The following ARID1B variants were observed in gnomAD, a reference collection of about 807,000 sequenced individuals.
ARID1B encodes the protein AT-rich interaction domain 1B.
In ARID1B, 30 loss-of-function variants were observed where a neutral mutation model predicts 212.3. That is an observed-to-expected ratio of 0.14 (90% CI 0.11 to 0.19). The LOEUF is 0.19. ARID1B is among the 10% of genes least tolerant of loss of function. The pLI, the probability that ARID1B is intolerant of heterozygous loss-of-function variation, is 1.00. For missense variants in ARID1B, 2,891 were observed against 3,204.0 expected, an observed-to-expected ratio of 0.90 and a Z score of 2.36; for synonymous variants, 1,402 against 1,301.7, an observed-to-expected ratio of 1.08 and a Z score of -1.66.
chr6:157,065,193 A>G (rs1305272432), intron 4 of ARID1B, among the ~76,000 whole-genome samples: 1 of 152,234 alleles, frequency 6.6e-6, no homozygotes, highest in African/African-American at 2.4e-5. Context: ...AAGTTAAAAG[A>G]AGTTCAAAGT....
intron 4 of ARID1B, among the ~76,000 whole-genome samples, chr6:157,037,932 C>T (rs1781437696): frequency 6.6e-6 from 1 of 151,872 alleles, no homozygotes; most frequent in Admixed American, 6.6e-5. Context: ...ATGGTGTCAC[C>T]CTGAGATAGA....
chr6:157,073,057 T>TA (rs1387894824), intron 4 of ARID1B, among the ~76,000 whole-genome samples: 1 of 152,016 alleles, frequency 6.6e-6, no homozygotes, highest in Non-Finnish European at 1.5e-5. Context: ...AAATATTTGA[T>TA]AAAGAATGGG....
At chr6:157,052,565 A>G (rs1782679765) in intron 4 of ARID1B, among the ~76,000 whole-genome samples, 1 of 152,260 alleles carries the variant, frequency 6.6e-6, no homozygotes, top group South Asian at 2.1e-4. Context: ...TTAAACAGGC[A>G]TAATCTGAAT....
chr6:157,084,698 A>G lies in ARID1B; in HGVS notation c.2284A>G (p.Thr762Ala), dbSNP rs991392838. 2 of 1,614,040 alleles carry G rather than the reference A, an allele frequency of 1.2e-6. No individual in the cohort carries two copies. Among genetic ancestry groups the G allele is most frequent in the Admixed American group, 1.7e-5 (1 of 60,000 alleles). ...SGSIDDLPTG[T>A]EATLSSAVSA... ...CTCCATTGATGACCTCCCCACGGGA[A>G]CGGAAGCAACTTTGAGCTCAGCAGT... The change falls in exon 5 of 20, where the codon ACG becomes GCG. Residue 762 changes from threonine (T) to alanine (A), a missense_variant. By Grantham distance (58) the Thr-to-Ala change is moderately conservative. This residue lies in a region of ARID1B where 1,643 missense variants were observed against 1,544.0 expected (regional missense o/e 1.06). Coordinates refer to ENST00000636930, the MANE Select transcript of ARID1B (RefSeq NM_001374828.1).
chr6:156,994,204 T>C (rs577051825), intron 4 of ARID1B, among the ~76,000 whole-genome samples: 2 of 152,352 alleles, frequency 1.3e-5, no homozygotes, highest in South Asian at 4.1e-4. Context: ...AGGGTTAGAA[T>C]GGGTCACCTA....
intron 4 of ARID1B, among the ~76,000 whole-genome samples, chr6:156,949,315 A>G (rs1434398835): frequency 6.6e-6 from 1 of 152,182 alleles, no homozygotes; most frequent in African/African-American, 2.4e-5. Flanking sequence ...TTGTTTGACA[A>G]AGAACATTTC....
chr6:157,143,893 A>G (rs780458336), intron 7 of ARID1B, among the ~76,000 whole-genome samples: 3 of 152,236 alleles, frequency 2.0e-5, no homozygotes, highest in Non-Finnish European at 4.4e-5. Context: ...GTGCCAATTC[A>G]TGGAATCAAC....
Position 157,209,751 on chromosome 6 carries a change from C to T in ARID1B, c.*1860C>T. The T allele has an allele frequency of 4.3e-6, 1 of 233,226 alleles. No individual in the cohort carries two copies. The highest frequency in any genetic ancestry group is 8.5e-6 in the Non-Finnish European group (1 of 118,036). The allele number at this position is 233,226 out of a possible 1,614,324, so 14.4% of individuals were successfully genotyped here. On this transcript the variant is annotated 3_prime_UTR_variant, in exon 20 of 20. Coordinates refer to ENST00000636930, the MANE Select transcript of ARID1B (RefSeq NM_001374828.1). ...TATATTGTATGTGGTGTACATAGTG[C>T]AAAGTGATGATTTCTATTTCAGGGC...
chr6:156,824,355 C>T (rs760223378), intron 1 of ARID1B, among the ~76,000 whole-genome samples: 4 of 152,118 alleles, frequency 2.6e-5, no homozygotes, highest in African/African-American at 9.7e-5. Flanking sequence ...AAAACATGCT[C>T]GGACAATCTA....
intron 1 of ARID1B, among the ~76,000 whole-genome samples, chr6:156,805,544 T>TA (rs1781094781): frequency 6.6e-6 from 1 of 152,192 alleles, no homozygotes; most frequent in South Asian, 2.1e-4. Flanking sequence ...GGTTTGCCTA[T>TA]AGGAGTATGC....
chr6:156,808,483 C>A (rs1363490556), intron 1 of ARID1B, among the ~76,000 whole-genome samples: 1 of 152,172 alleles, frequency 6.6e-6, no homozygotes, highest in Non-Finnish European at 1.5e-5. Flanking sequence ...CCTACATTGA[C>A]CGTGAACCAG....
chr6:157,187,652 A>G (rs572265209), intron 13 of ARID1B, among the ~76,000 whole-genome samples: 1 of 152,202 alleles, frequency 6.6e-6, no homozygotes, highest in African/African-American at 2.4e-5. Context: ...TAGAGTATAC[A>G]TTTGTAGCTT....
intron 3 of ARID1B, among the ~76,000 whole-genome samples, chr6:156,921,484 CACACACACAA>C (rs1323759742): frequency 5.0e-5 from 6 of 119,338 alleles, no homozygotes; most frequent in East Asian, 5.6e-4. Flanking sequence ...CACACACACA[CACACACACAA>C]AATGTAAGGG....
chr6:157,021,372 C>G (rs893047415), intron 4 of ARID1B, among the ~76,000 whole-genome samples: 5 of 152,216 alleles, frequency 3.3e-5, no homozygotes, highest in African/African-American at 1.2e-4. Flanking sequence ...AGGCAGCGGG[C>G]GGAATTAACC....
At chr6:156,907,907 A>C (rs577072139) in intron 3 of ARID1B, among the ~76,000 whole-genome samples, 240 of 118,266 alleles carry the variant, frequency 2.0e-3, no homozygotes, top group African/African-American at 8.5e-3. Flanking sequence ...GACTGTCTCA[A>C]AAAAAAAAAA....
chr6:156,856,597 C>T (rs1380148417), intron 2 of ARID1B, among the ~76,000 whole-genome samples: 1 of 151,966 alleles, frequency 6.6e-6, no homozygotes, highest in East Asian at 1.9e-4. Context: ...TATAAAAACA[C>T]TTGTGTATCC....
intron 10 of ARID1B, among the ~76,000 whole-genome samples, chr6:157,174,517 TA>T (rs1223662794): frequency 1.3e-5 from 2 of 151,678 alleles, no homozygotes; most frequent in Non-Finnish European, 2.9e-5. Flanking sequence ...CCTTATTTGA[TA>T]AATAAGGTGA....
In ARID1B at chr6:157,157,124, G is replaced by A. The variant is rs935368402; in HGVS notation, c.3089+8173G>A. On this transcript the variant is annotated intron_variant, in intron 8 of 19. Transcript: ENST00000636930. ...TCTTCATTCGGATATTCCCCTCTCCGGGTCTGGGTCTGGCCCTCTCACAGC... is the reference window on the plus strand; with the variant it reads ...TCTTCATTCGGATATTCCCCTCTCCAGGTCTGGGTCTGGCCCTCTCACAGC... 9.2e-5 allele frequency among the ~76,000 whole-genome samples: 14 copies of A among 152,118 alleles called. No individual in the cohort carries two copies. In the East Asian group the frequency reaches 1.2e-3, roughly 13 times the overall value.
chr6:157,010,126 C>T (rs895360638), intron 4 of ARID1B, among the ~76,000 whole-genome samples: 1 of 152,068 alleles, frequency 6.6e-6, no homozygotes, highest in African/African-American at 2.4e-5. Context: ...AGTGATCACA[C>T]TTATACCACT....
Sources: allele counts gnomAD v4.1 joint callset (sites outside exome capture counted in the v4.1 genomes callset), GRCh38; gene constraint gnomAD v4.1.1; regional missense constraint gnomAD v4.1.1; transcripts MANE v1.5; gene names NCBI Gene and HGNC (gene_info 2026-07-23, HGNC 2026-07-21).